OPCML: variants seen among roughly 807,000 people sequenced by gnomAD.
OPCML encodes the protein opioid binding protein/cell adhesion molecule like.
OPCML carries 13 observed loss-of-function variants against 37.8 expected under a neutral mutation model. The observed-to-expected ratio is 0.34, with a 90% CI of 0.22 to 0.55. OPCML has a LOEUF of 0.55. Ranked by LOEUF, OPCML falls within the 20% of genes least tolerant of loss-of-function variation. The pLI is 0.91. For synonymous variants in OPCML, 176 were observed against 168.8 expected (o/e 1.04, Z -0.33); for missense variants, 341 against 435.6 (o/e 0.78, Z 1.93).
chr11:133,309,894 C>G lies in OPCML; in HGVS notation c.61+222370G>C, dbSNP rs546568862. 2.6e-5 allele frequency among the ~76,000 whole-genome samples: 4 copies of G among 152,254 alleles called. No individual in the cohort carries two copies. In the South Asian group the frequency reaches 8.3e-4, roughly 32 times the overall value. ...GGGGAAGTCAGGTGGGAATGCAATGCTTGAAGGGCAATGAGGACTTCATTC... is the reference window on the plus strand; with the variant it reads ...GGGGAAGTCAGGTGGGAATGCAATGGTTGAAGGGCAATGAGGACTTCATTC... On this transcript the variant is annotated intron_variant, in intron 1 of 7. Transcript: ENST00000524381.
At chr11:133,422,284 AACACGAAG>A in intron 1 of OPCML, 7 of 984,502 alleles carry the variant, frequency 7.1e-6, no homozygotes, top group Non-Finnish European at 8.4e-6. Flanking sequence ...CTCACCACTA[AACACGAAG>A]ATATGGGGCA....
chr11:132,667,225 G>A (rs1393703033), intron 2 of OPCML, among the ~76,000 whole-genome samples: 1 of 152,144 alleles, frequency 6.6e-6, no homozygotes, highest in Non-Finnish European at 1.5e-5. Context: ...GGAACACTTG[G>A]GAACTAATTA....
chr11:132,590,903 T>G (rs146979596), intron 3 of OPCML, among the ~76,000 whole-genome samples: 2 of 152,312 alleles, frequency 1.3e-5, no homozygotes, highest in African/African-American at 4.8e-5. Flanking sequence ...TTTTAATAAA[T>G]GTATATTTTT....
At chr11:132,646,734 G>A (rs149508114) in intron 3 of OPCML, among the ~76,000 whole-genome samples, 108 of 152,240 alleles carry the variant, frequency 7.1e-4, no homozygotes, top group African/African-American at 2.5e-3. Context: ...ATAGAAATGC[G>A]AATTACGAGA....
At chr11:133,350,852 T>G (rs1296517556) in intron 1 of OPCML, among the ~76,000 whole-genome samples, 1 of 152,150 alleles carries the variant, frequency 6.6e-6, no homozygotes, top group African/African-American at 2.4e-5. Flanking sequence ...TTCCAACATA[T>G]GATCAATGCA....
intron 1 of OPCML, among the ~76,000 whole-genome samples, chr11:132,958,787 A>C (rs938015797): frequency 7.3e-5 from 11 of 151,516 alleles, no homozygotes; most frequent in Admixed American, 1.3e-4. Context: ...GAATATTTTA[A>C]GCTCACTATT....
At chr11:132,506,860 A>G (rs2096258050) in intron 4 of OPCML, among the ~76,000 whole-genome samples, 1 of 152,132 alleles carries the variant, frequency 6.6e-6, no homozygotes, top group Admixed American at 6.5e-5. Flanking sequence ...CGAGAAACAA[A>G]CACATCAGTT....
At chr11:132,751,070 G>T (rs1436960353) in intron 2 of OPCML, among the ~76,000 whole-genome samples, 2 of 152,044 alleles carry the variant, frequency 1.3e-5, no homozygotes, top group African/African-American at 4.8e-5. Flanking sequence ...TGAACAAACC[G>T]GAACAAGAAC....
intron 4 of OPCML, among the ~76,000 whole-genome samples, chr11:132,459,516 T>C (rs1310713500): frequency 6.7e-6 from 1 of 148,270 alleles, no homozygotes; most frequent in Non-Finnish European, 1.5e-5. Flanking sequence ...AGAATATATA[T>C]ATATATATAC....
chr11:133,135,242 T>G (rs540847876), intron 1 of OPCML, among the ~76,000 whole-genome samples: 1 of 152,308 alleles, frequency 6.6e-6, no homozygotes, highest in African/African-American at 2.4e-5. Flanking sequence ...GAAGCGTTAG[T>G]GATCCCTGCC....
chr11:132,663,841 TTTTTG>T (rs1942094933), intron 2 of OPCML, among the ~76,000 whole-genome samples: 1 of 152,156 alleles, frequency 6.6e-6, no homozygotes. Flanking sequence ...TTGTTTTTGT[TTTTTG>T]TTTTGAGACG....
At chr11:132,627,228 A>G (rs150362987) in intron 3 of OPCML, among the ~76,000 whole-genome samples, 122 of 152,332 alleles carry the variant, frequency 8.0e-4, no homozygotes, top group African/African-American at 2.8e-3. Context: ...AATAACTCCA[A>G]CATCACAAAT....
rs143009652 is a variant in OPCML at position 133,184,404 on chromosome 11, G to T, written c.62-241394C>A. Among the ~76,000 whole-genome samples, 4 of 152,272 alleles carry T rather than the reference G, an allele frequency of 2.6e-5. No homozygotes were observed. In the East Asian group the frequency reaches 7.7e-4, roughly 29 times the overall value. ...TTTGAGCTCTCAACCTTGAAGGATG[G>T]GAAGGTTATGAATGAGGTACCGCTG... On this transcript the variant is annotated intron_variant, in intron 1 of 7. Transcript: ENST00000524381.
chr11:132,667,274 C>T (rs959251366), intron 2 of OPCML, among the ~76,000 whole-genome samples: 5 of 152,132 alleles, frequency 3.3e-5, no homozygotes, highest in Admixed American at 2.6e-4. Context: ...CTATTGGGTG[C>T]TGGGATGTTT....
At chr11:133,364,989 T>C (rs956273127) in intron 1 of OPCML, among the ~76,000 whole-genome samples, 4 of 152,032 alleles carry the variant, frequency 2.6e-5, no homozygotes, top group South Asian at 2.1e-4. Flanking sequence ...GATCTGACTT[T>C]TTCCTTTTCA....
At chr11:133,325,938 C>T (rs1565572967) in intron 1 of OPCML, among the ~76,000 whole-genome samples, 2 of 152,156 alleles carry the variant, frequency 1.3e-5, no homozygotes, top group Admixed American at 1.3e-4. Flanking sequence ...AAAGAACAAA[C>T]TCTTGTCCAT....
At chr11:132,518,283 A>G (rs557709217) in intron 4 of OPCML, among the ~76,000 whole-genome samples, 2 of 152,070 alleles carry the variant, frequency 1.3e-5, no homozygotes, top group African/African-American at 4.8e-5. Flanking sequence ...GTGCCCATGT[A>G]TTCTCATTGT....
At chr11:132,537,681 C>T (rs1423635984) in intron 3 of OPCML, among the ~76,000 whole-genome samples, 12 of 152,140 alleles carry the variant, frequency 7.9e-5, no homozygotes, top group African/African-American at 2.7e-4. Context: ...AATCATATAT[C>T]TAATAACGGA....
chr11:133,381,065 G>C (rs1944918533), intron 1 of OPCML, among the ~76,000 whole-genome samples: 1 of 152,234 alleles, frequency 6.6e-6, no homozygotes, highest in East Asian at 1.9e-4. Context: ...TAAGGAATGT[G>C]TTCTGAGGCA....
Sources: gnomAD v4.1 joint callset for allele counts (sites outside exome capture counted in the v4.1 genomes callset) on GRCh38, gnomAD v4.1.1 for gene constraint, MANE v1.5 for transcripts, NCBI Gene and HGNC (gene_info 2026-07-23, HGNC 2026-07-21) for gene names.